The following TMEM132E variants were observed in gnomAD, a reference collection of about 807,000 sequenced individuals.
TMEM132E encodes the protein transmembrane protein 132E.
Under a neutral mutation model 78.5 loss-of-function variants are expected in TMEM132E, and 49 were observed. That is an observed-to-expected ratio of 0.62 (90% CI 0.50 to 0.79). TMEM132E has a LOEUF of 0.79. Ranked by LOEUF, TMEM132E falls within the 30% of genes least tolerant of loss-of-function variation. The pLI is 0.00. For missense variants in TMEM132E, 1,403 were observed against 1,470.9 expected, an observed-to-expected ratio of 0.95 and a Z score of 0.75; for synonymous variants, 715 against 670.6, an observed-to-expected ratio of 1.07 and a Z score of -1.02.
chr17:34,600,426 AGTGTGTGTGTGTGTGTGTGTGT>A (rs3220449), intron 1 of TMEM132E, among the ~76,000 whole-genome samples: 3 of 143,966 alleles, frequency 2.1e-5, no homozygotes, highest in Non-Finnish European at 4.6e-5. Flanking sequence ...AGCGTATATG[AGTGTGTGTGTGTGTGTGTGTGT>A]GTGTGTGTGT....
At chr17:34,586,377 T>C (rs1905679251) in intron 1 of TMEM132E, among the ~76,000 whole-genome samples, 1 of 152,096 alleles carries the variant, frequency 6.6e-6, no homozygotes, top group African/African-American at 2.4e-5. Flanking sequence ...GGCCTTCTTA[T>C]CACCAATTCA....
chr17:34,611,246 G>A (rs1906582319), intron 1 of TMEM132E, among the ~76,000 whole-genome samples: 1 of 152,216 alleles, frequency 6.6e-6, no homozygotes, highest in Admixed American at 6.5e-5. Flanking sequence ...TGGGAGAAGG[G>A]AACTCAAGAG....
chr17:34,602,331 C>T (rs749790990), intron 1 of TMEM132E, among the ~76,000 whole-genome samples: 3 of 152,218 alleles, frequency 2.0e-5, no homozygotes, highest in Non-Finnish European at 4.4e-5. Context: ...AGGTCAGAGA[C>T]AAGGCTGACA....
chr17:34,626,054 C>G, intron 1 of TMEM132E, 73 bp from the exon 2 acceptor site: 1 of 1,363,418 alleles, frequency 7.3e-7, no homozygotes, highest in Non-Finnish European at 9.7e-7. Context: ...GAGAGACGAG[C>G]CTGGGGGCAC....
intron 1 of TMEM132E, among the ~76,000 whole-genome samples, chr17:34,589,678 C>T (rs527821777): frequency 1.2e-4 from 18 of 152,220 alleles, no homozygotes; most frequent in African/African-American, 3.4e-4. Flanking sequence ...ACCTGTTGCT[C>T]TGACCTTACT....
chr17:34,627,577 A>G (rs1907203236), intron 2 of TMEM132E, among the ~76,000 whole-genome samples: 1 of 151,438 alleles, frequency 6.6e-6, no homozygotes, highest in Non-Finnish European at 1.5e-5. Flanking sequence ...CTATCCTTCT[A>G]CACCTTGAAA....
Position 34,630,590 on chromosome 17 carries a change from G to T in TMEM132E, c.1482+439G>T, listed in dbSNP as rs1597691871. Among the ~76,000 whole-genome samples the T allele has an allele frequency of 2.0e-5, 3 of 152,214 alleles. No individual in the cohort carries two copies. In the East Asian group the frequency reaches 5.8e-4, roughly 29 times the overall value. ...GCAAGGCAGCAGGGGGTGGGTGAGGGAGACAACCCCTCAAAGACCTGCCGT... is the reference window on the plus strand; with the variant it reads ...GCAAGGCAGCAGGGGGTGGGTGAGGTAGACAACCCCTCAAAGACCTGCCGT... On this transcript the variant is annotated intron_variant, in intron 5 of 8. Transcript: ENST00000631683.
At chr17:34,622,038 C>T (rs542437990) in intron 1 of TMEM132E, among the ~76,000 whole-genome samples, 1 of 152,358 alleles carries the variant, frequency 6.6e-6, no homozygotes, top group Middle Eastern at 3.4e-3. Flanking sequence ...AGCTTTTCCT[C>T]CCATGCCATG....
chr17:34,635,045 C>A lies in TMEM132E; in HGVS notation c.1935C>A (p.Ser645Arg), dbSNP rs111689642. The change falls in exon 7 of 9, where the codon AGC becomes AGA. Residue 645 changes from serine to arginine, a missense_variant. Coordinates refer to ENST00000631683, the MANE Select transcript of TMEM132E (RefSeq NM_001304438.2). ...CCCGAGTGGCACACATGGTGGACAG[C>A]AGCACGCTGGCAGGACTGGAGCCAG... Reference protein sequence around the residue: ...GDPRVAHMVDSSTLAGLEPGT... With the variant: ...GDPRVAHMVDRSTLAGLEPGT... The A allele has an allele frequency of 0.027, 43,852 of 1,614,008 alleles. 714 individuals carry two copies. Among genetic ancestry groups the A allele is most frequent in the Non-Finnish European group, 0.032 (37,902 of 1,179,966 alleles).
chr17:34,605,955 CTG>C (rs1233366202), intron 1 of TMEM132E, among the ~76,000 whole-genome samples: 2 of 152,216 alleles, frequency 1.3e-5, no homozygotes. Flanking sequence ...AGTCCCATGA[CTG>C]AGCCTCAAAT....
intron 1 of TMEM132E, among the ~76,000 whole-genome samples, chr17:34,600,464 G>GT (rs1906202423): frequency 1.6e-5 from 1 of 60,664 alleles, no homozygotes; most frequent in African/African-American, 6.3e-5. Context: ...TGTGTGTGTG[G>GT]CAGGGTGGGG....
intron 1 of TMEM132E, among the ~76,000 whole-genome samples, chr17:34,609,689 G>A (rs566036824): frequency 4.6e-5 from 7 of 152,294 alleles, no homozygotes; most frequent in South Asian, 4.1e-4. Flanking sequence ...TGCTCATGCC[G>A]TGATGGGCAA....
In TMEM132E at chr17:34,637,960, G is replaced by C. The variant is rs772700411; in HGVS notation, c.2953G>C (p.Gly985Arg). ...SQTSVQSQVH[G>R]RGDGSSGGSA... Reference sequence around the variant, plus strand: ...GACCAGCGTCCAGAGCCAGGTGCACGGCAGGGGCGACGGCTCCTCGGGCGG... The same window carrying C: ...GACCAGCGTCCAGAGCCAGGTGCACCGCAGGGGCGACGGCTCCTCGGGCGG... The change falls in exon 9 of 9, where the codon GGC (glycine) becomes CGC (arginine). Residue 985 changes from glycine to arginine, a missense_variant. Transcript: ENST00000631683. The C allele has an allele frequency of 5.0e-6, 8 of 1,603,176 alleles. No homozygotes were observed. Among genetic ancestry groups the C allele is most frequent in the Non-Finnish European group, 5.1e-6 (6 of 1,176,154 alleles).
At position 34,637,060 on chromosome 17, in the gene TMEM132E, G is replaced by A. The variant is rs1907544914; in HGVS notation, c.2170-117G>A. 3.4e-6 allele frequency: 3 copies of A among 871,656 alleles called. No homozygotes were observed. The Admixed American group carries it at 7.1e-5, about 21-fold the overall frequency. 54.0% of individuals were successfully genotyped at this position (871,656 alleles called of 1,614,324 possible). On this transcript the variant is annotated intron_variant, in intron 8 of 8. Coordinates refer to ENST00000631683, the MANE Select transcript of TMEM132E (RefSeq NM_001304438.2). ...GTCACAGGCACAGTTCCAGTGCTGA[G>A]AATACAGCAGGGAGCCAGAGACCCG...
At chr17:34,612,434 C>T (rs1329256414) in intron 1 of TMEM132E, among the ~76,000 whole-genome samples, 1 of 152,158 alleles carries the variant, frequency 6.6e-6, no homozygotes, top group Non-Finnish European at 1.5e-5. Context: ...GGGGCCTTGG[C>T]TTATGGGACC....
At chr17:34,617,856 T>C (rs1906833111) in intron 1 of TMEM132E, among the ~76,000 whole-genome samples, 1 of 152,214 alleles carries the variant, frequency 6.6e-6, no homozygotes, top group Admixed American at 6.5e-5. Flanking sequence ...TTACAAGCAA[T>C]GTGTGTTCAT....
At chr17:34,634,668 C>T in intron 6 of TMEM132E, 131 bp from the exon 7 acceptor site, 1 of 1,100,254 alleles carries the variant, frequency 9.1e-7, no homozygotes, top group Non-Finnish European at 1.3e-6. Flanking sequence ...AGGCATGAGC[C>T]ATAGAGGAAG....
At chr17:34,615,674 A>AG (rs1465574799) in intron 1 of TMEM132E, among the ~76,000 whole-genome samples, 4 of 151,890 alleles carry the variant, frequency 2.6e-5, no homozygotes, top group Admixed American at 2.6e-4. Flanking sequence ...ATTAAAAAAA[A>AG]ACAGCAGGGT....
At chr17:34,623,401 T>C (rs1278475205) in intron 1 of TMEM132E, among the ~76,000 whole-genome samples, 13 of 145,002 alleles carry the variant, frequency 9.0e-5, no homozygotes, top group African/African-American at 2.6e-4. Context: ...TAGTACCCGC[T>C]CCCCCCCCCC....
Sources: gnomAD v4.1 joint callset for allele counts (sites outside exome capture counted in the v4.1 genomes callset) on GRCh38, gnomAD v4.1.1 for gene constraint, MANE v1.5 for transcripts, NCBI Gene and HGNC (gene_info 2026-07-23, HGNC 2026-07-21) for gene names.